Variants in AMPH observed in about 807,000 individuals in gnomAD.
The protein encoded by AMPH is amphiphysin, also known as amphiphysin (Stiff-Mann syndrome with breast cancer 128kD autoantigen).
In AMPH, 49 loss-of-function variants were observed where a neutral mutation model predicts 99.1. The ratio of observed to expected loss-of-function variants is 0.49; its 90% CI spans 0.39 to 0.63. The LOEUF is 0.63. AMPH is among the 20% of genes least tolerant of loss of function. The pLI, the probability that AMPH is intolerant of heterozygous loss-of-function variation, is 0.00. For missense variants in AMPH, 759 were observed against 863.4 expected (o/e 0.88, Z 1.52); for synonymous variants, 314 against 317.3 (o/e 0.99, Z 0.11).
intron 1 of AMPH, among the ~76,000 whole-genome samples, chr7:38,624,690 T>TA (rs1252618563): frequency 4.7e-5 from 7 of 150,356 alleles, no homozygotes; most frequent in Non-Finnish European, 1.5e-5. Flanking sequence ...ATAAAAATAA[T>TA]AAAAAAATAA....
chr7:38,475,788 G>A (rs1788058609), intron 6 of AMPH, among the ~76,000 whole-genome samples: 1 of 152,164 alleles, frequency 6.6e-6, no homozygotes, highest in East Asian at 1.9e-4. Context: ...TTTACAAAAG[G>A]GACTTACAAT....
At chr7:38,451,359 C>T (rs973263469) in intron 11 of AMPH, among the ~76,000 whole-genome samples, 7 of 147,962 alleles carry the variant, frequency 4.7e-5, no homozygotes, top group African/African-American at 7.7e-5. Context: ...GTTATATACA[C>T]GTATATATAT....
intron 17 of AMPH, among the ~76,000 whole-genome samples, chr7:38,407,048 C>CTCTATATA (rs1241166935): frequency 3.2e-5 from 1 of 31,262 alleles, no homozygotes; most frequent in African/African-American, 1.1e-4. Context: ...CTCTCTCTCT[C>CTCTATATA]TATATATATA....
rs375323381 is a variant in AMPH, at chr7:38,552,919, T to G, written c.70-17908A>C. ...CCTCCCAGAGACAAAGATGCAACCT[T>G]CTGCCAGCCCCAAATCCAATCTCTG... On this transcript the variant is annotated intron_variant, in intron 1 of 20. Coordinates refer to ENST00000356264, the MANE Select transcript of AMPH (RefSeq NM_001635.4). 1.4e-4 allele frequency among the ~76,000 whole-genome samples: 22 copies of G among 152,292 alleles called. No individual in the cohort carries two copies. The South Asian group carries it at 4.6e-3, about 32-fold the overall frequency.
intron 2 of AMPH, among the ~76,000 whole-genome samples, chr7:38,505,487 T>C (rs762235831): frequency 1.8e-4 from 27 of 152,212 alleles, no homozygotes; most frequent in Non-Finnish European, 3.8e-4. Flanking sequence ...TGCTAAACAA[T>C]TGACTCCCTT....
At chr7:38,448,398 C>A (rs1339738643) in intron 11 of AMPH, among the ~76,000 whole-genome samples, 1 of 152,176 alleles carries the variant, frequency 6.6e-6, no homozygotes, top group Non-Finnish European at 1.5e-5. Context: ...CCTGAAACCA[C>A]AAATGGTACA....
intron 2 of AMPH, among the ~76,000 whole-genome samples, chr7:38,513,461 T>C (rs756202138): frequency 4.6e-5 from 7 of 152,122 alleles, no homozygotes; most frequent in Non-Finnish European, 7.4e-5. Context: ...AGAATACCAA[T>C]TGGGTTGAGA....
chr7:38,508,226 T>G (rs1221663684), intron 2 of AMPH, among the ~76,000 whole-genome samples: 1 of 152,160 alleles, frequency 6.6e-6, no homozygotes, highest in South Asian at 2.1e-4. Flanking sequence ...CCTACTACCA[T>G]GTGCATGACA....
At chr7:38,418,604 C>T (rs1269294430) in intron 16 of AMPH, among the ~76,000 whole-genome samples, 1 of 152,226 alleles carries the variant, frequency 6.6e-6, no homozygotes, top group Non-Finnish European at 1.5e-5. Context: ...TTTGCTACTA[C>T]AATCATAGAT....
In AMPH at chr7:38,384,933, A is replaced by C; in HGVS notation, c.1981-8T>G. On this transcript the variant is annotated splice_polypyrimidine_tract_variant and splice_region_variant and intron_variant, in intron 20 of 20. Coordinates refer to ENST00000356264, the MANE Select transcript of AMPH (RefSeq NM_001635.4). The stretch of plus-strand genomic sequence containing the variant: ...CACCAGCCAGCCTGCATCCTGAAAA[A>C]CAATGACAGAACTTTCAGGGTCCAG... The C allele has an allele frequency of 1.9e-6, 3 of 1,612,536 alleles. No homozygotes were observed. The East Asian group carries it at 6.7e-5, about 36-fold the overall frequency.
rs552017439 is a variant in AMPH at position 38,386,146 on chromosome 7, A to G, written c.1981-1221T>C. On this transcript the variant is annotated intron_variant, in intron 20 of 20. Coordinates refer to ENST00000356264, the MANE Select transcript of AMPH (RefSeq NM_001635.4). Reference sequence around the variant, plus strand: ...AGGCAGGAAAAAAACCGCTGAGGAAAAAAACGACTCAATAAAATAACTGAT... The same window carrying G: ...AGGCAGGAAAAAAACCGCTGAGGAAGAAAACGACTCAATAAAATAACTGAT... 2.3e-3 allele frequency among the ~76,000 whole-genome samples: 354 copies of G among 152,362 alleles called. 1 individual carries two copies. Among genetic ancestry groups the G allele is most frequent in the African/African-American group, 8.2e-3 (339 of 41,578 alleles).
intron 16 of AMPH, among the ~76,000 whole-genome samples, chr7:38,421,598 T>C (rs1447177919): frequency 6.6e-6 from 1 of 152,226 alleles, no homozygotes; most frequent in Non-Finnish European, 1.5e-5. Flanking sequence ...AGAGAATTCC[T>C]TACTTAAAAT....
chr7:38,580,784 CA>C (rs1282686277), intron 1 of AMPH, among the ~76,000 whole-genome samples: 3 of 151,952 alleles, frequency 2.0e-5, no homozygotes, highest in Admixed American at 2.0e-4. Context: ...TCCTCTACCA[CA>C]AAATCCATTT....
chr7:38,558,552 A>C (rs920806054), intron 1 of AMPH, among the ~76,000 whole-genome samples: 2 of 152,248 alleles, frequency 1.3e-5, no homozygotes, highest in African/African-American at 4.8e-5. Flanking sequence ...TTAGTCTGCA[A>C]GATGGTGGGA....
intron 1 of AMPH, among the ~76,000 whole-genome samples, chr7:38,592,583 T>A (rs528832378): frequency 6.6e-6 from 1 of 152,076 alleles, no homozygotes; most frequent in Non-Finnish European, 1.5e-5. Flanking sequence ...ATATAAAAAT[T>A]AGCCGGGCAT....
At chr7:38,594,586 T>C (rs933096195) in intron 1 of AMPH, among the ~76,000 whole-genome samples, 2 of 152,124 alleles carry the variant, frequency 1.3e-5, no homozygotes, top group Non-Finnish European at 2.9e-5. Context: ...AAGGGGTACG[T>C]ATGAATGGGG....
intron 1 of AMPH, among the ~76,000 whole-genome samples, chr7:38,610,692 A>G (rs1793654039): frequency 6.6e-6 from 1 of 152,186 alleles, no homozygotes; most frequent in Non-Finnish European, 1.5e-5. Flanking sequence ...CCATTGCCAA[A>G]TAACAAGTAA....
At chr7:38,604,180 G>T (rs1361369719) in intron 1 of AMPH, among the ~76,000 whole-genome samples, 1 of 152,196 alleles carries the variant, frequency 6.6e-6, no homozygotes, top group Non-Finnish European at 1.5e-5. Context: ...ATTCACCTGT[G>T]CTCTAAGATC....
At chr7:38,504,588 A>G (rs1019834333) in intron 2 of AMPH, among the ~76,000 whole-genome samples, 1 of 152,208 alleles carries the variant, frequency 6.6e-6, no homozygotes, top group Non-Finnish European at 1.5e-5. Context: ...GACAGTGTCA[A>G]TGAAACACCC....
Sources: gnomAD v4.1 joint callset for allele counts (sites outside exome capture counted in the v4.1 genomes callset) on GRCh38, gnomAD v4.1.1 for gene constraint, MANE v1.5 for transcripts, NCBI Gene and HGNC (gene_info 2026-07-23, HGNC 2026-07-21) for gene names.